The following RAD51AP1 variants were observed in gnomAD, a reference collection of about 807,000 sequenced individuals.
RAD51AP1 encodes RAD51 associated protein 1, also known as RAD51-associated protein 1.
In RAD51AP1, 14 loss-of-function variants were observed where a neutral mutation model predicts 34.3. The ratio of observed to expected loss-of-function variants is 0.41; its 90% CI spans 0.27 to 0.64. The LOEUF (loss-of-function observed/expected upper bound fraction) is 0.64, where lower values mean the gene tolerates loss of function less well. Among genes scored for constraint, RAD51AP1 ranks in the 30% least tolerant of loss-of-function variants. The pLI, the probability that RAD51AP1 is intolerant of heterozygous loss-of-function variation, is 0.33. For synonymous variants in RAD51AP1, 114 were observed against 129.8 expected, an observed-to-expected ratio of 0.88 and a Z score of 0.83; for missense variants, 348 against 386.9, an observed-to-expected ratio of 0.90 and a Z score of 0.84.
At chr12:4,548,563 G>C (rs974091547) in intron 5 of RAD51AP1, 124 bp from the exon 6 acceptor site, 1 of 1,153,386 alleles carries the variant, frequency 8.7e-7, no homozygotes, top group Non-Finnish European at 1.2e-6. Context: ...GTCTATTACT[G>C]GAAGCATGGG....
intron 7 of RAD51AP1, 172 bp downstream of exon 7, chr12:4,553,319 T>A: frequency 2.0e-6 from 1 of 493,846 alleles, no homozygotes; most frequent in Non-Finnish European, 3.5e-6. Context: ...ACAAGAATGC[T>A]GACTCCACTA....
chr12:4,557,089 G>C (rs1207194333), intron 8 of RAD51AP1, among the ~76,000 whole-genome samples: 1 of 152,142 alleles, frequency 6.6e-6, no homozygotes, highest in Admixed American at 6.5e-5. Flanking sequence ...CCAAATTGTT[G>C]CTGCCTTTCC....
At position 4,539,085 on chromosome 12, in the gene RAD51AP1, C is replaced by G. The variant is rs950291784; in HGVS notation, c.17+129C>G. 1.6e-4 allele frequency: 164 copies of G among 1,031,336 alleles called. No individual in the cohort carries two copies. In the Middle Eastern group the frequency reaches 1.7e-3, roughly 11 times the overall value. 63.9% of individuals were successfully genotyped at this position (1,031,336 alleles called of 1,614,324 possible). On this transcript the variant is annotated intron_variant, in intron 1 of 8. Coordinates refer to ENST00000352618, the MANE Select transcript of RAD51AP1 (RefSeq NM_006479.5). ...GGTTAGGATGGACGGTTATCAAGAACCCAGTCTCCAGTGAGAGCCACCCGT... is the reference window on the plus strand; with the variant it reads ...GGTTAGGATGGACGGTTATCAAGAAGCCAGTCTCCAGTGAGAGCCACCCGT...
In RAD51AP1 at chr12:4,548,744, C is replaced by T. The variant is rs1468723998; in HGVS notation, c.464C>T (p.Ala155Val). Residue 155 changes from alanine (A) to valine (V), a missense_variant, in exon 6 of 9, where the codon GCA (alanine) becomes GTA (valine). Coordinates refer to ENST00000352618, the MANE Select transcript of RAD51AP1 (RefSeq NM_006479.5). Reference sequence around the variant, plus strand: ...GGTGGTGTTCAAGGGAAAAGAAAAGCAGCATCTAAAGCTGCAGCACAGCAG... The same window carrying T: ...GGTGGTGTTCAAGGGAAAAGAAAAGTAGCATCTAAAGCTGCAGCACAGCAG... ...DVGGVQGKRKAASKAAAQQRK... is the reference protein window; with the variant it reads ...DVGGVQGKRKVASKAAAQQRK... 1 of 1,614,012 alleles carries T rather than the reference C, an allele frequency of 6.2e-7. No homozygotes were observed. Among genetic ancestry groups the T allele is most frequent in the East Asian group, 2.2e-5 (1 of 44,872 alleles).
intron 4 of RAD51AP1, 118 bp from the exon 5 acceptor site, chr12:4,547,974 T>A: frequency 9.7e-6 from 10 of 1,031,068 alleles, no homozygotes; most frequent in Non-Finnish European, 1.4e-5. Flanking sequence ...ATTGTGCCAG[T>A]TGGAGTTTGG....
chr12:4,539,931 C>A (rs538750064), intron 1 of RAD51AP1, among the ~76,000 whole-genome samples: 1 of 152,170 alleles, frequency 6.6e-6, no homozygotes, highest in East Asian at 1.9e-4. Flanking sequence ...AGGTCACTGG[C>A]TGTTGGTGGA....
At chr12:4,546,241 T>G in intron 3 of RAD51AP1, 68 bp from the exon 4 acceptor site, 12 of 1,204,064 alleles carry the variant, frequency 1.0e-5, no homozygotes, top group Non-Finnish European at 1.3e-5. Flanking sequence ...TGGAGAAATC[T>G]CAAACTTTGC....
chr12:4,559,267 A>C lies in RAD51AP1; in HGVS notation c.*274A>C, dbSNP rs375060759. 2.6e-5 allele frequency: 7 copies of C among 273,420 alleles called. No individual in the cohort carries two copies. Among genetic ancestry groups the C allele is most frequent in the Admixed American group, 5.1e-5 (1 of 19,534 alleles). The allele number at this position is 273,420 out of a possible 1,614,324, so 16.9% of individuals were successfully genotyped here. A position where few individuals can be genotyped will look rare whatever the true frequency, so the allele number is the denominator to read the frequency against. On this transcript the variant is annotated 3_prime_UTR_variant, in exon 9 of 9. Coordinates refer to ENST00000352618, the MANE Select transcript of RAD51AP1 (RefSeq NM_006479.5). Reference sequence around the variant, plus strand: ...CAGTTCGACATGAAGTCCACATCACATGCTGTTCTTTTCTAGTTACATGAT... The same window carrying C: ...CAGTTCGACATGAAGTCCACATCACCTGCTGTTCTTTTCTAGTTACATGAT...
chr12:4,550,397 T>C (rs1248170137), intron 6 of RAD51AP1: 4 of 152,214 alleles, frequency 2.6e-5, no homozygotes, highest in Non-Finnish European at 4.4e-5. Flanking sequence ...TTTGGAAAGT[T>C]TGGAGAAAGT....
chr12:4,539,823 T>C (rs914312153), intron 1 of RAD51AP1, among the ~76,000 whole-genome samples: 1 of 152,158 alleles, frequency 6.6e-6, no homozygotes, highest in Non-Finnish European at 1.5e-5. Flanking sequence ...GATAGGGTCT[T>C]GTAAGTCTTA....
chr12:4,555,897 C>A (rs533975596), intron 7 of RAD51AP1, among the ~76,000 whole-genome samples: 1 of 152,172 alleles, frequency 6.6e-6, no homozygotes, highest in African/African-American at 2.4e-5. Flanking sequence ...AGTGACTAAA[C>A]CTTAAAGTCC....
intron 3 of RAD51AP1, chr12:4,545,799 T>G: frequency 6.2e-7 from 1 of 1,613,406 alleles, no homozygotes; most frequent in Non-Finnish European, 8.5e-7. Context: ...GAAGGTACTT[T>G]TAGTATTCCA....
chr12:4,543,134 C>T (rs1287382582), intron 2 of RAD51AP1, among the ~76,000 whole-genome samples: 1 of 152,138 alleles, frequency 6.6e-6, no homozygotes, highest in African/African-American at 2.4e-5. Context: ...GATCTTGGCT[C>T]ACTGCAACCT....
At chr12:4,542,915 T>C (rs546187271) in intron 2 of RAD51AP1, among the ~76,000 whole-genome samples, 1 of 152,318 alleles carries the variant, frequency 6.6e-6, no homozygotes, top group Admixed American at 6.5e-5. Context: ...GAAGTTACTT[T>C]GGTAGGATCT....
At chr12:4,546,725 A>G (rs182010107) in intron 4 of RAD51AP1, among the ~76,000 whole-genome samples, 204 of 152,314 alleles carry the variant, frequency 1.3e-3, no homozygotes, top group Non-Finnish European at 2.2e-3. Flanking sequence ...TTTGATCTGT[A>G]CAGTCCTAAC....
chr12:4,556,551 G>A (rs765463201), intron 8 of RAD51AP1, 49 bp downstream of exon 8: 2 of 1,582,334 alleles, frequency 1.3e-6, no homozygotes, highest in South Asian at 1.1e-5. Context: ...ATTATCACTG[G>A]TAAATTTTTT....
intron 1 of RAD51AP1, among the ~76,000 whole-genome samples, chr12:4,539,671 G>A (rs1944442305): frequency 6.6e-6 from 1 of 152,164 alleles, no homozygotes; most frequent in Admixed American, 6.5e-5. Flanking sequence ...CATGCACTGA[G>A]TCATGAATCA....
chr12:4,558,710 C>A (rs1944599559), intron 8 of RAD51AP1, 147 bp from the exon 9 acceptor site: 1 of 938,366 alleles, frequency 1.1e-6, no homozygotes, highest in Non-Finnish European at 1.5e-6. Context: ...TTAGAACATT[C>A]TGTTCTTTTG....
At chr12:4,552,833 G>A (rs1944555740) in intron 6 of RAD51AP1, 150 bp from the exon 7 acceptor site, 1 of 558,542 alleles carries the variant, frequency 1.8e-6, no homozygotes, top group Admixed American at 4.5e-5. Context: ...TGCAAACCCA[G>A]GCACCCACAA....
Sources: gnomAD v4.1 joint callset for allele counts (sites outside exome capture counted in the v4.1 genomes callset) on GRCh38, gnomAD v4.1.1 for gene constraint, MANE v1.5 for transcripts, NCBI Gene and HGNC (gene_info 2026-07-23, HGNC 2026-07-21) for gene names.